CACHD1: variants seen among roughly 807,000 people sequenced by gnomAD.
CACHD1 encodes the protein VWFA and cache domain-containing protein 1.
Under a neutral mutation model 138.7 loss-of-function variants are expected in CACHD1, and 71 were observed. That is an observed-to-expected ratio of 0.51 (90% CI 0.42 to 0.62). CACHD1 has a LOEUF of 0.62. CACHD1 is among the 20% of genes least tolerant of loss of function. The probability of loss-of-function intolerance (pLI) is 0.00; values close to 1 mark genes in which losing one functional copy is unlikely to be tolerated. For missense variants in CACHD1, 1,389 were observed against 1,625.3 expected (o/e 0.85, Z 2.50); for synonymous variants, 578 against 591.5 (o/e 0.98, Z 0.33).
chr1:64,681,206 G>T, intron 24 of CACHD1, 52 bp from the exon 25 acceptor site: 24 of 1,383,620 alleles, frequency 1.7e-5, no homozygotes, highest in Non-Finnish European at 2.5e-5. Context: ...ATTAAAGCGG[G>T]TGATTTTGTT....
intron 2 of CACHD1, among the ~76,000 whole-genome samples, chr1:64,579,523 A>G (rs1456038612): frequency 6.6e-6 from 1 of 152,204 alleles, no homozygotes; most frequent in African/African-American, 2.4e-5. Flanking sequence ...ATTTATTCCC[A>G]AGGGCAATAA....
intron 8 of CACHD1, among the ~76,000 whole-genome samples, chr1:64,645,750 T>C (rs1329661657): frequency 2.0e-5 from 3 of 152,106 alleles, no homozygotes; most frequent in Non-Finnish European, 4.4e-5. Flanking sequence ...ATCTGGAACA[T>C]GGCTGGGGTT....
intron 2 of CACHD1, among the ~76,000 whole-genome samples, chr1:64,580,791 A>G (rs1261215185): frequency 6.6e-6 from 1 of 152,154 alleles, no homozygotes; most frequent in Non-Finnish European, 1.5e-5. Context: ...ACTTTGCAGC[A>G]TTCTCCACCA....
intron 2 of CACHD1, among the ~76,000 whole-genome samples, chr1:64,577,485 A>G (rs971205267): frequency 7.2e-5 from 11 of 152,216 alleles, no homozygotes; most frequent in Admixed American, 3.9e-4. Context: ...TACAAAGAGA[A>G]GCAATGTTGA....
intron 1 of CACHD1, among the ~76,000 whole-genome samples, chr1:64,476,269 C>G (rs1242518956): frequency 6.6e-6 from 1 of 152,158 alleles, no homozygotes; most frequent in East Asian, 1.9e-4. Context: ...ATATGGCTCC[C>G]ATGTCTCATT....
chr1:64,649,622 G>A (rs927020762), intron 9 of CACHD1, among the ~76,000 whole-genome samples: 7 of 152,088 alleles, frequency 4.6e-5, no homozygotes, highest in African/African-American at 1.7e-4. Flanking sequence ...TGTGTGAAAG[G>A]GACAAAGGAT....
chr1:64,584,411 A>G (rs982171971), intron 3 of CACHD1, among the ~76,000 whole-genome samples: 3 of 152,200 alleles, frequency 2.0e-5, no homozygotes, highest in African/African-American at 7.2e-5. Context: ...CTAGAGGGGA[A>G]AAAACCTGAA....
At chr1:64,501,107 A>G (rs1249147376) in intron 1 of CACHD1, among the ~76,000 whole-genome samples, 3 of 151,936 alleles carry the variant, frequency 2.0e-5, no homozygotes. Context: ...ATTGCTATGC[A>G]GATAGTAACA....
At position 64,692,009 on chromosome 1, in the gene CACHD1, T is replaced by G. The variant is rs1650579036; in HGVS notation, c.*448T>G. 5.5e-6 allele frequency: 1 copy of G among 182,444 alleles called. No individual in the cohort carries two copies. Among genetic ancestry groups the G allele is most frequent in the Non-Finnish European group, 1.2e-5 (1 of 84,130 alleles). 11.3% of individuals were successfully genotyped at this position (182,444 alleles called of 1,614,324 possible). On this transcript the variant is annotated 3_prime_UTR_variant, in exon 27 of 27. Transcript: ENST00000651257. ...GTGTGCATTGAAGATTTCGCTTTGT[T>G]TCTTAGCGGTACCTGGATACCACAG...
intron 7 of CACHD1, among the ~76,000 whole-genome samples, chr1:64,637,264 C>T (rs1216933403): frequency 1.3e-5 from 2 of 152,254 alleles, no homozygotes; most frequent in Non-Finnish European, 1.5e-5. Context: ...GGCCAGGCAG[C>T]GCATTTGAGT....
chr1:64,634,779 G>A (rs1648453554), intron 7 of CACHD1, among the ~76,000 whole-genome samples: 2 of 152,034 alleles, frequency 1.3e-5, no homozygotes, highest in Admixed American at 6.5e-5. Context: ...CGGATCACAA[G>A]GTCGGGAGTT....
intron 2 of CACHD1, among the ~76,000 whole-genome samples, chr1:64,581,100 A>G (rs1037676670): frequency 1.3e-5 from 2 of 152,226 alleles, no homozygotes; most frequent in Admixed American, 1.3e-4. Flanking sequence ...TATAGTTTAT[A>G]TAATTTCTAG....
At chr1:64,503,395 C>T (rs1237849380) in intron 1 of CACHD1, among the ~76,000 whole-genome samples, 2 of 151,886 alleles carry the variant, frequency 1.3e-5, no homozygotes, top group Non-Finnish European at 2.9e-5. Flanking sequence ...ATGGAAAACC[C>T]AAAACAAAAC....
intron 2 of CACHD1, among the ~76,000 whole-genome samples, chr1:64,571,160 G>C (rs984388914): frequency 1.3e-5 from 2 of 152,114 alleles, no homozygotes; most frequent in African/African-American, 2.4e-5. Flanking sequence ...TCAAGACTCA[G>C]GTAATGTGGA....
At chr1:64,621,688 C>T (rs528682343) in intron 4 of CACHD1, among the ~76,000 whole-genome samples, 7 of 152,224 alleles carry the variant, frequency 4.6e-5, no homozygotes, top group East Asian at 3.9e-4. Flanking sequence ...GAATTTTCCC[C>T]GGCCTAAGGA....
At position 64,582,284 on chromosome 1, in the gene CACHD1, T is replaced by C; in HGVS notation, c.390T>C (p.Thr130=). Residue 130 remains threonine, a synonymous_variant, in exon 3 of 27, where the codon ACT becomes ACC. Coordinates refer to ENST00000651257, the MANE Select transcript of CACHD1 (RefSeq NM_020925.4). ...SPLTAIQDCC[T]IPPSMMEFDG... Reference sequence around the variant, plus strand: ...TAACTGCAATTCAAGACTGCTGTACTATCCCACCTTCCATGATGGAGTAAG... The same window carrying C: ...TAACTGCAATTCAAGACTGCTGTACCATCCCACCTTCCATGATGGAGTAAG... The C allele has an allele frequency of 6.2e-7, 1 of 1,613,592 alleles. No individual in the cohort carries two copies. The highest frequency in any genetic ancestry group is 1.1e-5 in the South Asian group (1 of 90,972).
At chr1:64,681,795 T>G (rs1024873830) in intron 25 of CACHD1, among the ~76,000 whole-genome samples, 3 of 152,128 alleles carry the variant, frequency 2.0e-5, no homozygotes, top group Admixed American at 2.0e-4. Context: ...AGCTTCCTGA[T>G]GCACGTTGGA....
At chr1:64,482,300 CCTT>C (rs1352860389) in intron 1 of CACHD1, among the ~76,000 whole-genome samples, 1 of 152,122 alleles carries the variant, frequency 6.6e-6, no homozygotes. Context: ...AGAATACTGG[CCTT>C]CTTTGTTCTA....
intron 26 of CACHD1, among the ~76,000 whole-genome samples, chr1:64,688,147 C>A (rs1013409312): frequency 6.6e-6 from 1 of 151,864 alleles, no homozygotes; most frequent in African/African-American, 2.4e-5. Flanking sequence ...TCTAACACCT[C>A]GAATGCTAAC....
Sources: gnomAD v4.1 joint callset for allele counts (sites outside exome capture counted in the v4.1 genomes callset) on GRCh38, gnomAD v4.1.1 for gene constraint, MANE v1.5 for transcripts, NCBI Gene and HGNC (gene_info 2026-07-23, HGNC 2026-07-21) for gene names.